The following ALG11 variants were observed in gnomAD, a reference collection of about 807,000 sequenced individuals.
ALG11 encodes GDP-Man:Man(3)GlcNAc(2)-PP-Dol alpha-1,2-mannosyltransferase.
ALG11 carries 26 observed loss-of-function variants against 38.8 expected under a neutral mutation model. That is an observed-to-expected ratio of 0.67 (90% CI 0.49 to 0.93). The LOEUF (loss-of-function observed/expected upper bound fraction) is 0.93. ALG11 is among the 40% of genes least tolerant of loss of function. The pLI, the probability that ALG11 is intolerant of heterozygous loss-of-function variation, is 0.00. For missense variants in ALG11, 535 were observed against 578.8 expected (o/e 0.92, Z 0.78); for synonymous variants, 199 against 211.6 (o/e 0.94, Z 0.52).
chr13:52,029,237 C>T lies in ALG11; in HGVS notation c.*647C>T. On this transcript the variant is annotated 3_prime_UTR_variant, in exon 4 of 4. Coordinates refer to ENST00000521508, the MANE Select transcript of ALG11 (RefSeq NM_001004127.3). Reference sequence around the variant, plus strand: ...CTCACAGGTCCTCTCCAAATGGGACCCTATCATCCTGAAGAACCAGCAGGC... The same window carrying T: ...CTCACAGGTCCTCTCCAAATGGGACTCTATCATCCTGAAGAACCAGCAGGC... 2 of 1,614,156 alleles carry T rather than the reference C, an allele frequency of 1.2e-6. No homozygotes were observed. Among genetic ancestry groups the T allele is most frequent in the African/African-American group, 1.3e-5 (1 of 75,036 alleles).
At chr13:52,025,023 C>T (rs895537016) in intron 3 of ALG11, 86 bp downstream of exon 3, 4 of 1,402,626 alleles carry the variant, frequency 2.9e-6, no homozygotes, top group African/African-American at 2.8e-5. Context: ...CTCTGGAAAT[C>T]TGCATCATGC....
chr13:52,029,978 G>A lies in ALG11; in HGVS notation c.*1388G>A. On this transcript the variant is annotated 3_prime_UTR_variant, in exon 4 of 4. Coordinates refer to ENST00000521508, the MANE Select transcript of ALG11 (RefSeq NM_001004127.3). ...AGAGGCTGCAACACAGGAGGACCCT[G>A]AGCAAGTGCCAGAGCTTGCAGCTCA... 1 of 1,614,224 alleles carries A rather than the reference G, an allele frequency of 6.2e-7. No individual in the cohort carries two copies. Among genetic ancestry groups the A allele is most frequent in the Non-Finnish European group, 8.5e-7 (1 of 1,180,036 alleles).
rs762196882 is a variant in ALG11 at position 52,030,845 on chromosome 13, G to A, written c.*2255G>A. 1.9e-6 allele frequency: 3 copies of A among 1,614,168 alleles called. No individual in the cohort carries two copies. The highest frequency in any genetic ancestry group is 1.7e-6 in the Non-Finnish European group (2 of 1,180,046). On this transcript the variant is annotated 3_prime_UTR_variant, in exon 4 of 4. Coordinates refer to ENST00000521508, the MANE Select transcript of ALG11 (RefSeq NM_001004127.3). ...CAACATCCACGCAGCAGCTCATCAG[G>A]TACAAGTGCTTCCATATCCATTTAC... is the stretch of plus-strand genomic sequence containing the variant.
In ALG11 at chr13:52,032,638, C is replaced by CCAT. The variant is rs1285518684; in HGVS notation, c.*4050_*4052dup. 1 of 167,056 alleles carries CCAT rather than the reference C, an allele frequency of 6.0e-6. No individual in the cohort carries two copies. The highest frequency in any genetic ancestry group is 1.5e-5 in the Non-Finnish European group (1 of 68,116). The allele number at this position is 167,056 out of a possible 1,614,324, so 10.3% of individuals were successfully genotyped here. A position where few individuals can be genotyped will look rare whatever the true frequency, so the allele number is the denominator to read the frequency against. ...ATTATGTTGTTGATACATCTCCAAG[C>CCAT]CATCTGTCATCAGATCAAAAAGCAG... On this transcript the variant is annotated 3_prime_UTR_variant, in exon 4 of 4. Transcript: ENST00000521508.
chr13:52,013,711 A>T (rs1954109423), intron 1 of ALG11, among the ~76,000 whole-genome samples: 1 of 152,246 alleles, frequency 6.6e-6, no homozygotes, highest in Non-Finnish European at 1.5e-5. Context: ...TGTTGCTTTT[A>T]TGAATTCATA....
rs879777231 is a variant in ALG11, at chr13:52,024,355, G to C, written c.625G>C (p.Val209Leu). The change falls in exon 3 of 4, where the codon GTA (valine) becomes CTA (leucine). Residue 209 changes from valine (V) to leucine (L), a missense_variant. Physicochemically the swap from Val to Leu is conservative, Grantham distance 32 (BLOSUM62 1). Coordinates refer to ENST00000521508, the MANE Select transcript of ALG11 (RefSeq NM_001004127.3). ...YPTISTDMLS[V>L]VKNQNIGFNN... ...TACTATCAGCACCGACATGCTCTCT[G>C]TAGTGAAGAATCAAAATATTGGATT... The C allele has an allele frequency of 6.8e-6, 11 of 1,613,992 alleles. No individual in the cohort carries two copies. The highest frequency in any genetic ancestry group is 9.3e-6 in the Non-Finnish European group (11 of 1,180,002).
intron 1 of ALG11, chr13:52,016,147 G>A (rs1426838835): frequency 1.3e-5 from 2 of 152,384 alleles, no homozygotes; most frequent in Non-Finnish European, 2.9e-5. Flanking sequence ...CTAGAGATTT[G>A]TGGAACTTTG....
chr13:52,024,952 TA>T lies in ALG11; in HGVS notation c.1207+18del, dbSNP rs1360373375. The T allele has an allele frequency of 6.2e-7, 1 of 1,602,718 alleles. No homozygotes were observed. On this transcript the variant is annotated intron_variant, in intron 3 of 3. Transcript: ENST00000521508. The stretch of plus-strand genomic sequence containing the variant: ...TTTTGGGATTGGTGAGTTTGGCCTT[TA>T]AACAACTTGTTTGGTGCCATGAGAT...
chr13:52,019,059 T>C lies in ALG11; in HGVS notation c.191T>C (p.Val64Ala). The C allele has an allele frequency of 1.2e-6, 2 of 1,614,012 alleles. No individual in the cohort carries two copies. The part of the protein sequence containing the change: ...STSKNGKNQM[V>A]IAFFHPYCNA... Reference sequence around the variant, plus strand: ...AGCAAAAATGGGAAAAATCAAATGGTGATTGCATTTTTTCATCCATACTGC... The same window carrying C: ...AGCAAAAATGGGAAAAATCAAATGGCGATTGCATTTTTTCATCCATACTGC... The change falls in exon 2 of 4, where the codon GTG (valine) becomes GCG (alanine). Residue 64 changes from valine to alanine, a missense_variant. Transcript: ENST00000521508.
chr13:52,028,267 T>G (rs945624677), intron 3 of ALG11, 52 bp from the exon 4 acceptor site: 1 of 1,609,690 alleles, frequency 6.2e-7, no homozygotes, highest in African/African-American at 1.3e-5. Flanking sequence ...CTCATTCTTA[T>G]GAACACACTC....
At chr13:52,023,519 A>G (rs1170115287) in intron 2 of ALG11, 3 of 150,354 alleles carry the variant, frequency 2.0e-5, no homozygotes, top group Admixed American at 6.6e-5. Flanking sequence ...AAGCACTTGA[A>G]CCCGGGAGGC....
At position 52,029,657 on chromosome 13, in the gene ALG11, A is replaced by G. The variant is rs766856067; in HGVS notation, c.*1067A>G. 17 of 1,614,240 alleles carry G rather than the reference A, an allele frequency of 1.1e-5. No homozygotes were observed. The highest frequency in any genetic ancestry group is 1.4e-5 in the Non-Finnish European group (17 of 1,180,046). On this transcript the variant is annotated 3_prime_UTR_variant, in exon 4 of 4. Transcript: ENST00000521508. ...TGTGGCACTGGAAGAAATGGAAAAA[A>G]TTGAAAATGCCAGAATGATGGAAAG...
chr13:52,023,737 G>A, intron 2 of ALG11: 1 of 195,828 alleles, frequency 5.1e-6, no homozygotes, highest in Non-Finnish European at 1.0e-5. Flanking sequence ...TTGTTGCCCA[G>A]GCAGGAGTGC....
At chr13:52,019,285 G>T (rs997940851) in intron 2 of ALG11, 142 bp downstream of exon 2, 24 of 747,306 alleles carry the variant, frequency 3.2e-5, no homozygotes, top group Non-Finnish European at 4.5e-5. Context: ...GCAGTGGCAC[G>T]ATGTCGGCTC....
At position 52,024,610 on chromosome 13, in the gene ALG11, G is replaced by A. The variant is rs1954220991; in HGVS notation, c.880G>A (p.Glu294Lys). 6.2e-7 allele frequency: 1 copy of A among 1,613,670 alleles called. No homozygotes were observed. Among genetic ancestry groups the A allele is most frequent in the Non-Finnish European group, 8.5e-7 (1 of 1,179,818 alleles). ...GACATTTCTGGACATTCCCTTACAT[G>A]AGAAAAAGATGACCCCAGGACATTT... is the stretch of plus-strand genomic sequence containing the variant. ...VQTFLDIPLH[E>K]KKMTPGHLLV... is the part of the protein sequence containing the mutation. The change falls in exon 3 of 4, where the codon GAG (glutamate) becomes AAG (lysine). Residue 294 changes from glutamate to lysine, a missense_variant. By Grantham distance (56) the Glu-to-Lys change is moderately conservative. Transcript: ENST00000521508.
chr13:52,031,066 A>G lies in ALG11; in HGVS notation c.*2476A>G, dbSNP rs1954299167. 6.2e-7 allele frequency: 1 copy of G among 1,613,928 alleles called. No individual in the cohort carries two copies. Among genetic ancestry groups the G allele is most frequent in the Non-Finnish European group, 8.5e-7 (1 of 1,179,886 alleles). On this transcript the variant is annotated 3_prime_UTR_variant, in exon 4 of 4. Transcript: ENST00000521508. ...TGCCTGTCATACAGAGGAATCCAAA[A>G]CGAATCACCACACGTCACAATAAAG...
At chr13:52,012,568 A>G (rs189255738) in intron 1 of ALG11, 106 bp downstream of exon 1, 34 of 1,468,226 alleles carry the variant, frequency 2.3e-5, no homozygotes, top group Non-Finnish European at 2.5e-5. Flanking sequence ...CTTGTCATGA[A>G]TCTAAGGTAA....
intron 1 of ALG11, 147 bp downstream of exon 1, chr13:52,012,609 TC>T: frequency 9.1e-7 from 1 of 1,102,474 alleles, no homozygotes; most frequent in East Asian, 2.6e-5. Context: ...TCTTTCTTTT[TC>T]TTGGGGGTCT....
chr13:52,023,945 C>T, intron 2 of ALG11, 61 bp from the exon 3 acceptor site: 1 of 1,506,076 alleles, frequency 6.6e-7, no homozygotes, highest in African/African-American at 1.4e-5. Context: ...CAGGTGCGTG[C>T]CACCGTGTCT....
Sources: gnomAD v4.1 joint callset for allele counts (sites outside exome capture counted in the v4.1 genomes callset) on GRCh38, gnomAD v4.1.1 for gene constraint, MANE v1.5 for transcripts, NCBI Gene and HGNC (gene_info 2026-07-23, HGNC 2026-07-21) for gene names.